TTL: variants seen among roughly 807,000 people sequenced by gnomAD.
TTL encodes the protein tubulin tyrosine ligase.
In TTL, 10 loss-of-function variants were observed where a neutral mutation model predicts 41.1. The ratio of observed to expected loss-of-function variants is 0.24; its 90% CI spans 0.15 to 0.41. TTL has a LOEUF of 0.41. Ranked by LOEUF, TTL falls within the 10% of genes least tolerant of loss-of-function variation. The pLI is 1.00. For missense variants in TTL, 367 were observed against 460.4 expected, an observed-to-expected ratio of 0.80 and a Z score of 1.86; for synonymous variants, 175 against 175.5, an observed-to-expected ratio of 1.00 and a Z score of 0.02.
At chr2:112,487,867 G>A (rs183944148) in intron 2 of TTL, among the ~76,000 whole-genome samples, 5 of 152,282 alleles carry the variant, frequency 3.3e-5, no homozygotes, top group Non-Finnish European at 4.4e-5. Flanking sequence ...TCTCTCCCAT[G>A]ATTTTGTATG....
chr2:112,489,100 A>G (rs1337295108), intron 2 of TTL, among the ~76,000 whole-genome samples: 2 of 152,224 alleles, frequency 1.3e-5, no homozygotes, highest in African/African-American at 4.8e-5. Flanking sequence ...AAAGAAATAA[A>G]TTAATTTAAA....
chr2:112,518,131 A>G (rs1355402165), intron 5 of TTL, among the ~76,000 whole-genome samples: 2 of 139,484 alleles, frequency 1.4e-5, no homozygotes, highest in African/African-American at 5.2e-5. Flanking sequence ...ACCACAGCCA[A>G]CTAATTTTTT....
chr2:112,511,373 C>T (rs1478925561), intron 5 of TTL, among the ~76,000 whole-genome samples: 2 of 151,626 alleles, frequency 1.3e-5, no homozygotes, highest in African/African-American at 2.4e-5. Flanking sequence ...GATGTTTGTT[C>T]TATTTATTAT....
intron 6 of TTL, among the ~76,000 whole-genome samples, chr2:112,528,327 C>T (rs115916418): frequency 1.6e-3 from 239 of 152,284 alleles, no homozygotes; most frequent in Non-Finnish European, 2.5e-3. Flanking sequence ...CTGCCAGGCA[C>T]GGTGGCTCAC....
Position 112,502,953 on chromosome 2 carries a change from A to G in TTL, c.647A>G (p.Tyr216Cys), listed in dbSNP as rs748290459. The G allele has an allele frequency of 1.2e-6, 2 of 1,614,032 alleles. No homozygotes were observed. Among genetic ancestry groups the G allele is most frequent in the South Asian group, 1.1e-5 (1 of 91,072 alleles). Residue 216 changes from tyrosine to cysteine, a missense_variant, in exon 5 of 7, where the codon TAT becomes TGT. Transcript: ENST00000233336. ...GATCATCAGTATAATATCTACCTCT[A>G]TAGAGAGGGTGTGCTTCGGACTGCT... The part of the protein sequence containing the change: ...LVDHQYNIYL[Y>C]REGVLRTASE...
At chr2:112,491,096 A>G (rs36086865) in intron 2 of TTL, among the ~76,000 whole-genome samples, 16,969 of 152,026 alleles carry the variant, frequency 0.11, 1,129 homozygotes, top group Non-Finnish European at 0.16. Context: ...GGTTCAAGCA[A>G]TTCTCCTGCC....
intron 5 of TTL, among the ~76,000 whole-genome samples, chr2:112,518,965 G>A (rs1288908673): frequency 2.6e-5 from 4 of 152,096 alleles, no homozygotes; most frequent in Non-Finnish European, 4.4e-5. Flanking sequence ...GTGAGCCACC[G>A]CGCCCGGCTG....
intron 2 of TTL, among the ~76,000 whole-genome samples, chr2:112,489,959 C>A (rs533450083): frequency 1.3e-5 from 2 of 152,232 alleles, no homozygotes; most frequent in East Asian, 1.9e-4. Flanking sequence ...AAAAGTAAAT[C>A]TTTATTTAAA....
At chr2:112,487,796 GT>G (rs1256483477) in intron 2 of TTL, among the ~76,000 whole-genome samples, 3 of 152,188 alleles carry the variant, frequency 2.0e-5, no homozygotes, top group Non-Finnish European at 4.4e-5. Context: ...CTTTGTCTCA[GT>G]TGTCCTGTGA....
At chr2:112,499,645 C>T (rs1681638123) in intron 3 of TTL, among the ~76,000 whole-genome samples, 1 of 152,182 alleles carries the variant, frequency 6.6e-6, no homozygotes, top group African/African-American at 2.4e-5. Context: ...CAAAATAAAA[C>T]TTCTGCTCTA....
At chr2:112,511,180 T>A (rs1436968384) in intron 5 of TTL, among the ~76,000 whole-genome samples, 4 of 151,964 alleles carry the variant, frequency 2.6e-5, no homozygotes, top group African/African-American at 7.3e-5. Flanking sequence ...CTGATTTTTG[T>A]ATTTTTTTTG....
rs1043197000 is a variant in TTL at position 112,482,544 on chromosome 2, C to A, written c.157+43C>A. The A allele has an allele frequency of 6.5e-7, 1 of 1,536,738 alleles. No homozygotes were observed. The highest frequency in any genetic ancestry group is 8.8e-7 in the Non-Finnish European group (1 of 1,138,900). The stretch of plus-strand genomic sequence containing the variant: ...TCCCGTCTGCCCTCCTCGGAGCGGC[C>A]CTGCGCGCCTCCCGCGGCCCGTTAG... On this transcript the variant is annotated intron_variant, in intron 1 of 6. Coordinates refer to ENST00000233336, the MANE Select transcript of TTL (RefSeq NM_153712.5). This position sits in a 1 kb window ranked among gnomAD's most constrained non-coding sequence, Gnocchi z 5.3.
chr2:112,533,542 G>A lies in TTL; in HGVS notation c.*4747G>A, dbSNP rs763873734. ...AGAAGTGTATGTGGCTCACGGTTCT[G>A]GAGGATGAGAAGTCCAATATCAAGG... is the stretch of plus-strand genomic sequence containing the variant. On this transcript the variant is annotated 3_prime_UTR_variant, in exon 7 of 7. Transcript: ENST00000233336. 2 of 152,232 alleles carry A rather than the reference G, an allele frequency of 1.3e-5. No individual in the cohort carries two copies. The highest frequency in any genetic ancestry group is 2.4e-5 in the African/African-American group (1 of 41,448). The allele number at this position is 152,232 out of a possible 1,614,324, so 9.4% of individuals were successfully genotyped here.
intron 5 of TTL, among the ~76,000 whole-genome samples, chr2:112,516,164 G>A (rs977701744): frequency 3.3e-5 from 5 of 152,080 alleles, no homozygotes; most frequent in African/African-American, 1.2e-4. Flanking sequence ...CATAACAGTA[G>A]TTTATCCTTT....
rs1279042056 is a variant in TTL, at chr2:112,501,365, T to G, written c.605+24T>G. ...CGGTAATGCATTCATGTCCATAGCT[T>G]TTGTTTTTATTCATCTGAAAAAACT... On this transcript the variant is annotated intron_variant, in intron 4 of 6. Transcript: ENST00000233336. 4 of 1,536,702 alleles carry G rather than the reference T, an allele frequency of 2.6e-6. No individual in the cohort carries two copies. In the East Asian group the frequency reaches 7.1e-5, roughly 27 times the overall value.
In TTL at chr2:112,499,088, G is replaced by A. The variant is rs192635092; in HGVS notation, c.470-2118G>A. ...AATCCCAGCAGAGGCCAAGGCGGCT[G>A]AATCACCTGAGGTCAGGAGTTCGAG... On this transcript the variant is annotated intron_variant, in intron 3 of 6. Transcript: ENST00000233336. Among the ~76,000 whole-genome samples the A allele has an allele frequency of 9.3e-3, 1,422 of 152,246 alleles. 9 individuals are homozygous for A. Among genetic ancestry groups the A allele is most frequent in the Non-Finnish European group, 0.015 (1,025 of 68,030 alleles).
intron 1 of TTL, among the ~76,000 whole-genome samples, chr2:112,484,261 T>G (rs935241368): frequency 6.6e-6 from 1 of 151,442 alleles, no homozygotes; most frequent in Non-Finnish European, 1.5e-5. Flanking sequence ...TAGTTTTGTT[T>G]TTTGTTTGTC....
Position 112,494,181 on chromosome 2 carries a change from C to T in TTL, c.275C>T (p.Thr92Ile). Residue 92 changes from threonine to isoleucine, a missense_variant, in exon 3 of 7, where the codon ACA becomes ATA. Thr to Ile is a moderately conservative substitution (Grantham distance 89, BLOSUM62 -1). Transcript: ENST00000233336. ...AGCCCTGAACTGGCTGAGTCCTGCA[C>T]ATGGTTCCCTGAATCTTATGTGATT... is the stretch of plus-strand genomic sequence containing the variant. ...KTSPELAESC[T>I]WFPESYVIYP... The T allele has an allele frequency of 6.2e-7, 1 of 1,614,202 alleles. No homozygotes were observed.
intron 2 of TTL, among the ~76,000 whole-genome samples, chr2:112,490,412 T>C (rs1310974268): frequency 2.0e-5 from 3 of 151,738 alleles, no homozygotes; most frequent in Non-Finnish European, 2.9e-5. Flanking sequence ...AACCAAACCC[T>C]GTCTCGGATA....
Sources: allele counts gnomAD v4.1 joint callset (sites outside exome capture counted in the v4.1 genomes callset), GRCh38; gene constraint gnomAD v4.1.1; non-coding constraint Gnocchi (gnomAD v3.1); transcripts MANE v1.5; gene names NCBI Gene and HGNC (gene_info 2026-07-23, HGNC 2026-07-21).